The following REEP3 variants were observed in gnomAD, a reference collection of about 807,000 sequenced individuals.
REEP3 encodes receptor expression-enhancing protein 3.
REEP3 carries 20 observed loss-of-function variants against 41.3 expected under a neutral mutation model. The ratio of observed to expected loss-of-function variants is 0.48; its 90% CI spans 0.34 to 0.70. The LOEUF (loss-of-function observed/expected upper bound fraction) is 0.70. Among genes scored for constraint, REEP3 ranks in the 30% least tolerant of loss-of-function variants. REEP3 has a pLI of 0.01. For missense variants in REEP3, 271 were observed against 308.8 expected (o/e 0.88, Z 0.92); for synonymous variants, 104 against 101.8 (o/e 1.02, Z -0.13).
chr10:63,615,070 C>T (rs1331581854), intron 6 of REEP3, among the ~76,000 whole-genome samples: 1 of 151,720 alleles, frequency 6.6e-6, no homozygotes, highest in Non-Finnish European at 1.5e-5. Context: ...AAAACATATC[C>T]AGATTGTAGG....
intron 1 of REEP3, among the ~76,000 whole-genome samples, chr10:63,526,639 T>G (rs1955367308): frequency 6.6e-6 from 1 of 152,100 alleles, no homozygotes; most frequent in African/African-American, 2.4e-5. Flanking sequence ...CTTTTGTATT[T>G]TATTTATCAG....
intron 6 of REEP3, among the ~76,000 whole-genome samples, chr10:63,617,107 A>G (rs1289739268): frequency 6.6e-6 from 1 of 151,926 alleles, no homozygotes; most frequent in African/African-American, 2.4e-5. Flanking sequence ...AGCAATCCCC[A>G]AGCCCTAGCT....
chr10:63,541,262 C>T (rs936584736), intron 1 of REEP3, among the ~76,000 whole-genome samples: 22 of 152,214 alleles, frequency 1.4e-4, no homozygotes, highest in African/African-American at 4.6e-4. Context: ...CGTAGAATGG[C>T]GTATGTCTAC....
chr10:63,558,998 A>T (rs974284630), intron 1 of REEP3, among the ~76,000 whole-genome samples: 5 of 151,874 alleles, frequency 3.3e-5, no homozygotes, highest in African/African-American at 1.2e-4. Context: ...ACTGTAATTA[A>T]TTTTTTTGTT....
chr10:63,551,681 C>A (rs1421606489), intron 1 of REEP3, among the ~76,000 whole-genome samples: 1 of 152,138 alleles, frequency 6.6e-6, no homozygotes, highest in African/African-American at 2.4e-5. Flanking sequence ...CTCCTCAAAA[C>A]TATCAAGGCT....
chr10:63,522,076 C>T (rs1955275243), intron 1 of REEP3, among the ~76,000 whole-genome samples: 1 of 152,078 alleles, frequency 6.6e-6, no homozygotes, highest in South Asian at 2.1e-4. Flanking sequence ...GCGGCTGATG[C>T]GTTGCGGTGT....
At chr10:63,551,959 T>C (rs1044591517) in intron 1 of REEP3, among the ~76,000 whole-genome samples, 15 of 152,240 alleles carry the variant, frequency 9.9e-5, no homozygotes, top group African/African-American at 3.6e-4. Flanking sequence ...CTATCTGTAC[T>C]ATCTTCACAC....
Position 63,620,906 on chromosome 10 carries a change from T to A in REEP3, c.*37T>A. On this transcript the variant is annotated 3_prime_UTR_variant, in exon 8 of 8. Coordinates refer to ENST00000373758, the MANE Select transcript of REEP3 (RefSeq NM_001001330.3). ...TCAAATATCCCAAGACAGATTATGC[T>A]AAATACATCGACTTCATCTTCTAAC... 7.7e-7 allele frequency: 1 copy of A among 1,301,318 alleles called. No homozygotes were observed. The highest frequency in any genetic ancestry group is 1.1e-6 in the Non-Finnish European group (1 of 912,006). The allele number at this position is 1,301,318 out of a possible 1,614,324, so 80.6% of individuals were successfully genotyped here.
At chr10:63,582,952 T>A (rs1345829716) in intron 2 of REEP3, among the ~76,000 whole-genome samples, 3 of 152,164 alleles carry the variant, frequency 2.0e-5, no homozygotes, top group Admixed American at 2.0e-4. Context: ...AGGTTTGTTC[T>A]CGGTCATGAT....
rs563926446 is a variant in REEP3, at chr10:63,566,324, T to G, written c.33-14T>G. 3.7e-5 allele frequency: 56 copies of G among 1,504,538 alleles called. No individual in the cohort carries two copies. The South Asian group carries it at 6.6e-4, about 18-fold the overall frequency. 93.2% of individuals were successfully genotyped at this position (1,504,538 alleles called of 1,614,324 possible). ...GTTGTGTTTGAACAGTATTCTCATT[T>G]TTTTTACTTTTAGGCTGGTGTTTGG... On this transcript the variant is annotated splice_polypyrimidine_tract_variant and intron_variant, in intron 1 of 7. Coordinates refer to ENST00000373758, the MANE Select transcript of REEP3 (RefSeq NM_001001330.3).
At position 63,574,854 on chromosome 10, in the gene REEP3, T is replaced by TTC. The variant is rs1317189519; in HGVS notation, c.105+8445_105+8446insCT. ...ATAATGAGAGGTCAATTTCTTTTTT[T>TTC]TTTTTTTTTTTTTTTTTTTTTGAGA... On this transcript the variant is annotated intron_variant, in intron 2 of 7. Transcript: ENST00000373758. Among the ~76,000 whole-genome samples the TTC allele has an allele frequency of 1.7e-4, 17 of 100,402 alleles. 1 individual carries two copies. The highest frequency in any genetic ancestry group is 4.6e-4 in the African/African-American group (14 of 30,210). The allele number at this position is 100,402 out of a possible 152,430, so 65.9% of individuals were successfully genotyped here. A position where few individuals can be genotyped will look rare whatever the true frequency, so the allele number is the denominator to read the frequency against.
At chr10:63,561,475 G>A (rs923997366) in intron 1 of REEP3, among the ~76,000 whole-genome samples, 1 of 152,200 alleles carries the variant, frequency 6.6e-6, no homozygotes, top group Non-Finnish European at 1.5e-5. Context: ...AATACAAGAG[G>A]CATATTGAGG....
At chr10:63,564,131 C>G (rs563403614) in intron 1 of REEP3, among the ~76,000 whole-genome samples, 1 of 152,116 alleles carries the variant, frequency 6.6e-6, no homozygotes, top group South Asian at 2.1e-4. Flanking sequence ...GTGTACCATG[C>G]CAATATAAGA....
At chr10:63,558,331 T>C (rs1178125331) in intron 1 of REEP3, among the ~76,000 whole-genome samples, 1 of 152,220 alleles carries the variant, frequency 6.6e-6, no homozygotes, top group Non-Finnish European at 1.5e-5. Flanking sequence ...GAAACAAATG[T>C]AGGGAATGCC....
intron 1 of REEP3, among the ~76,000 whole-genome samples, chr10:63,556,634 G>GTTTTTT (rs370073734): frequency 1.3e-5 from 1 of 78,564 alleles, no homozygotes; most frequent in African/African-American, 4.5e-5. Context: ...TTGTTGTTTT[G>GTTTTTT]TTTTTTTTTT....
chr10:63,534,074 TAGTC>T (rs1221878509), intron 1 of REEP3, among the ~76,000 whole-genome samples: 3 of 151,916 alleles, frequency 2.0e-5, no homozygotes, highest in Non-Finnish European at 2.9e-5. Flanking sequence ...ATGAGAAAAA[TAGTC>T]AGAAAGTTCT....
intron 5 of REEP3, among the ~76,000 whole-genome samples, chr10:63,609,763 A>G (rs1956262901): frequency 6.6e-6 from 1 of 151,894 alleles, no homozygotes; most frequent in African/African-American, 2.4e-5. Context: ...CTGTCTCTAA[A>G]TAAATAAATA....
rs534602679 is a variant in REEP3, at chr10:63,612,936, A to G, written c.565+2602A>G. 3.9e-5 allele frequency among the ~76,000 whole-genome samples: 6 copies of G among 152,322 alleles called. No homozygotes were observed. The South Asian group carries it at 1.2e-3, about 32-fold the overall frequency. On this transcript the variant is annotated intron_variant, in intron 6 of 7. Transcript: ENST00000373758. ...TACCCAAGGATTGGCTAAGAATTAT[A>G]TTCTAATTAGGTAAATAAAAACACG...
chr10:63,552,392 C>G (rs953599796), intron 1 of REEP3, among the ~76,000 whole-genome samples: 1 of 151,946 alleles, frequency 6.6e-6, no homozygotes, highest in Non-Finnish European at 1.5e-5. Flanking sequence ...GCCTGGACCA[C>G]AGAGCAAGAC....
Sources: allele counts gnomAD v4.1 joint callset (sites outside exome capture counted in the v4.1 genomes callset), GRCh38; gene constraint gnomAD v4.1.1; transcripts MANE v1.5; gene names NCBI Gene and HGNC (gene_info 2026-07-23, HGNC 2026-07-21).